The following SGCZ variants were observed in gnomAD, a reference collection of about 807,000 sequenced individuals.
SGCZ encodes the protein zeta-sarcoglycan.
Under a neutral mutation model 41.3 loss-of-function variants are expected in SGCZ, and 40 were observed. The ratio of observed to expected loss-of-function variants is 0.97; its 90% CI spans 0.75 to 1.26. SGCZ has a LOEUF of 1.26. SGCZ is among the 50% of genes most tolerant of loss of function. The pLI is 0.00. For missense variants in SGCZ, 552 were observed against 369.8 expected (o/e 1.49, Z -4.04); for synonymous variants, 206 against 137.5 (o/e 1.50, Z -3.49).
chr8:14,458,615 G>C (rs563370238), intron 2 of SGCZ, among the ~76,000 whole-genome samples: 4 of 152,158 alleles, frequency 2.6e-5, no homozygotes, highest in African/African-American at 9.6e-5. Context: ...ACATAGATAA[G>C]GAAATAAATA....
intron 1 of SGCZ, among the ~76,000 whole-genome samples, chr8:14,970,875 A>G (rs1012416414): frequency 5.3e-5 from 8 of 152,158 alleles, no homozygotes; most frequent in Non-Finnish European, 1.2e-4. Context: ...ATAAGTATAG[A>G]TCAACTTGAG....
At chr8:15,165,000 G>C (rs1015703062) in intron 1 of SGCZ, among the ~76,000 whole-genome samples, 1 of 152,130 alleles carries the variant, frequency 6.6e-6, no homozygotes, top group African/African-American at 2.4e-5. Flanking sequence ...TGTCAAAAGA[G>C]CTCTAATTAG....
intron 4 of SGCZ, among the ~76,000 whole-genome samples, chr8:14,202,924 G>A (rs1330864798): frequency 6.6e-6 from 1 of 152,140 alleles, no homozygotes; most frequent in African/African-American, 2.4e-5. Flanking sequence ...GAATCAGGCG[G>A]GAGGTGATGG....
rs112869914 is a variant in SGCZ at position 14,961,277 on chromosome 8, A to G, written c.39+276308T>C. Reference sequence around the variant, plus strand: ...TAAATACCAGCCTAGACTCAAATGGACTGCCTACTGACCTGTTGTTTACTG... The same window carrying G: ...TAAATACCAGCCTAGACTCAAATGGGCTGCCTACTGACCTGTTGTTTACTG... On this transcript the variant is annotated intron_variant, in intron 1 of 7. Transcript: ENST00000382080. 4.3e-3 allele frequency among the ~76,000 whole-genome samples: 652 copies of G among 152,256 alleles called. 7 individuals carry two copies. The highest frequency in any genetic ancestry group is 0.015 in the African/African-American group (620 of 41,570).
rs186487368 is a variant in SGCZ at position 14,345,073 on chromosome 8, C to T, written c.235-20869G>A. ...TTTTTTTCATATTCTGTAGAGAATTCCTATTAAACAGTAAGATAACCAACA... is the reference window on the plus strand; with the variant it reads ...TTTTTTTCATATTCTGTAGAGAATTTCTATTAAACAGTAAGATAACCAACA... On this transcript the variant is annotated intron_variant, in intron 2 of 7. Coordinates refer to ENST00000382080, the MANE Select transcript of SGCZ (RefSeq NM_139167.4). Among the ~76,000 whole-genome samples, 11 of 151,998 alleles carry T rather than the reference C, an allele frequency of 7.2e-5. No individual in the cohort carries two copies. In the East Asian group the frequency reaches 1.9e-3, roughly 27 times the overall value.
chr8:14,884,432 C>T (rs1051867286), intron 1 of SGCZ, among the ~76,000 whole-genome samples: 1 of 151,426 alleles, frequency 6.6e-6, no homozygotes, highest in African/African-American at 2.4e-5. Context: ...ATGCCATAAG[C>T]TATAAATAAA....
chr8:14,139,532 A>T (rs1257405550), intron 5 of SGCZ, among the ~76,000 whole-genome samples: 1 of 152,206 alleles, frequency 6.6e-6, no homozygotes, highest in African/African-American at 2.4e-5. Context: ...ACAGTAATAC[A>T]AACTACCATC....
intron 5 of SGCZ, among the ~76,000 whole-genome samples, chr8:14,159,215 A>G (rs933767162): frequency 1.4e-4 from 22 of 152,206 alleles, no homozygotes; most frequent in African/African-American, 5.3e-4. Flanking sequence ...TAAAACCTCT[A>G]CAGAGAGAAG....
chr8:15,236,262 C>T (rs1585704254), intron 1 of SGCZ, among the ~76,000 whole-genome samples: 2 of 152,318 alleles, frequency 1.3e-5, no homozygotes, highest in South Asian at 4.1e-4. Flanking sequence ...CCCGTCTATG[C>T]AATCTGGGGC....
intron 1 of SGCZ, among the ~76,000 whole-genome samples, chr8:14,901,462 T>C (rs1396997620): frequency 1.3e-5 from 2 of 152,206 alleles, no homozygotes; most frequent in African/African-American, 4.8e-5. Flanking sequence ...CGTTTTTCCT[T>C]TCACAGTACA....
At chr8:14,788,903 G>T (rs1428148299) in intron 1 of SGCZ, among the ~76,000 whole-genome samples, 2 of 151,986 alleles carry the variant, frequency 1.3e-5, no homozygotes, top group African/African-American at 4.8e-5. Flanking sequence ...TCGGGGCCAG[G>T]AGTTTGACAC....
rs139485551 is a variant in SGCZ at position 14,803,518 on chromosome 8, G to A, written c.40-248592C>T. Among the ~76,000 whole-genome samples, 526 of 151,884 alleles carry A rather than the reference G, an allele frequency of 3.5e-3. 2 individuals carry two copies. Among genetic ancestry groups the A allele is most frequent in the Middle Eastern group, 0.01 (3 of 288 alleles). On this transcript the variant is annotated intron_variant, in intron 1 of 7. Coordinates refer to ENST00000382080, the MANE Select transcript of SGCZ (RefSeq NM_139167.4). The stretch of plus-strand genomic sequence containing the variant: ...TCCCACCCGAATACCGCGCTTTTCC[G>A]ATGGGCTTAAAAAACGGCGCACCAC...
chr8:15,074,546 G>T (rs1048112685), intron 1 of SGCZ, among the ~76,000 whole-genome samples: 3 of 151,900 alleles, frequency 2.0e-5, no homozygotes, highest in African/African-American at 7.3e-5. Context: ...ATGTATACGG[G>T]GTACATTCTA....
intron 1 of SGCZ, among the ~76,000 whole-genome samples, chr8:14,809,253 A>C (rs1398028624): frequency 6.6e-6 from 1 of 152,092 alleles, no homozygotes; most frequent in South Asian, 2.1e-4. Context: ...AAAATAAAAA[A>C]ATAAAAATAA....
At chr8:14,510,822 A>G (rs1219366798) in intron 2 of SGCZ, among the ~76,000 whole-genome samples, 2 of 152,128 alleles carry the variant, frequency 1.3e-5, no homozygotes, top group African/African-American at 4.8e-5. Flanking sequence ...ATAAAAAGCT[A>G]AATAAGCCTT....
chr8:14,288,249 G>C (rs1355956841), intron 3 of SGCZ, among the ~76,000 whole-genome samples: 2 of 151,974 alleles, frequency 1.3e-5, no homozygotes, highest in African/African-American at 4.8e-5. Context: ...CTTTGTATTA[G>C]CTGGTTAATT....
chr8:15,119,624 C>T (rs192397409), intron 1 of SGCZ, among the ~76,000 whole-genome samples: 16 of 151,838 alleles, frequency 1.1e-4, no homozygotes, highest in Non-Finnish European at 2.4e-4. Context: ...AGTTAGAGGA[C>T]AGCTCAATTC....
intron 1 of SGCZ, among the ~76,000 whole-genome samples, chr8:14,880,389 G>T (rs1339058529): frequency 6.6e-6 from 1 of 152,184 alleles, no homozygotes; most frequent in East Asian, 1.9e-4. Context: ...GTGGAAGTCA[G>T]TGTGGTGATT....
chr8:14,253,357 T>A (rs1799353261), intron 3 of SGCZ, among the ~76,000 whole-genome samples: 2 of 152,024 alleles, frequency 1.3e-5, no homozygotes, highest in African/African-American at 4.8e-5. Flanking sequence ...AACTGTAATA[T>A]ATTATTATAA....
Sources: gnomAD v4.1 joint callset for allele counts (sites outside exome capture counted in the v4.1 genomes callset) on GRCh38, gnomAD v4.1.1 for gene constraint, MANE v1.5 for transcripts, NCBI Gene and HGNC (gene_info 2026-07-23, HGNC 2026-07-21) for gene names.